U2SURP: variants seen among roughly 807,000 people sequenced by gnomAD.
U2SURP encodes the protein U2 snRNP-associated SURP motif-containing protein.
Under a neutral mutation model 144.9 loss-of-function variants are expected in U2SURP, and 9 were observed. The ratio of observed to expected loss-of-function variants is 0.06; its 90% CI spans 0.04 to 0.11. U2SURP has a LOEUF of 0.11. U2SURP is among the 10% of genes least tolerant of loss of function. U2SURP has a pLI of 1.00. For missense variants in U2SURP, 724 were observed against 1,226.7 expected (o/e 0.59, Z 6.12); for synonymous variants, 408 against 396.8 (o/e 1.03, Z -0.33).
chr3:143,019,482 C>T (rs767191183), intron 6 of U2SURP, among the ~76,000 whole-genome samples: 19 of 152,154 alleles, frequency 1.2e-4, no homozygotes, highest in Non-Finnish European at 2.2e-4. Context: ...AGAAGTCCAA[C>T]TTCATTTTTC....
At position 143,037,865 on chromosome 3, in the gene U2SURP, A is replaced by G. The variant is rs184057933; in HGVS notation, c.2222-243A>G. Reference sequence around the variant, plus strand: ...TATTAAAGATTTGTTTTACTTCTCAACTTCTTCACTTGCTTAATATATTAC... The same window carrying G: ...TATTAAAGATTTGTTTTACTTCTCAGCTTCTTCACTTGCTTAATATATTAC... On this transcript the variant is annotated intron_variant, in intron 21 of 27. Coordinates refer to ENST00000473835, the MANE Select transcript of U2SURP (RefSeq NM_001080415.2). Among the ~76,000 whole-genome samples the G allele has an allele frequency of 1.5e-4, 23 of 152,272 alleles. 1 individual carries two copies. The highest frequency in any genetic ancestry group is 7.2e-4 in the Admixed American group (11 of 15,296).
chr3:143,035,865 T>TA (rs1324421893), intron 19 of U2SURP, 117 bp from the exon 20 acceptor site: 29 of 1,089,588 alleles, frequency 2.7e-5, no homozygotes, highest in East Asian at 2.6e-4. Context: ...CTTTAAAGTT[T>TA]AAAAAAACAT....
Position 143,046,979 on chromosome 3 carries a change from C to T in U2SURP, c.2544+3703C>T, listed in dbSNP as rs1224030410. ...TCCCCCACCTCCCTCCCGGACGGGG[C>T]GGCTGGCCGGGCGGGGGGCTGACCC... On this transcript the variant is annotated intron_variant, in intron 24 of 27. Coordinates refer to ENST00000473835, the MANE Select transcript of U2SURP (RefSeq NM_001080415.2). Among the ~76,000 whole-genome samples the T allele has an allele frequency of 7.0e-5, 9 of 129,474 alleles. 1 individual carries two copies. Among genetic ancestry groups the T allele is most frequent in the East Asian group, 2.4e-4 (1 of 4,088 alleles). 84.9% of individuals were successfully genotyped at this position (129,474 alleles called of 152,430 possible).
intron 6 of U2SURP, chr3:143,017,211 A>C: frequency 2.8e-6 from 1 of 356,394 alleles, no homozygotes; most frequent in African/African-American, 2.1e-5. Flanking sequence ...ATTTATGCTC[A>C]TAATATATTG....
At chr3:143,004,982 A>T (rs867880509) in intron 1 of U2SURP, among the ~76,000 whole-genome samples, 1 of 152,224 alleles carries the variant, frequency 6.6e-6, no homozygotes, top group African/African-American at 2.4e-5. Context: ...TTTAATTTAT[A>T]AAAAAATTAC....
intron 18 of U2SURP, among the ~76,000 whole-genome samples, chr3:143,034,359 G>A (rs190826530): frequency 2.1e-4 from 32 of 152,040 alleles, no homozygotes; most frequent in Admixed American, 1.6e-3. Context: ...AGCCGAGATG[G>A]CACCATTGTC....
At chr3:143,053,000 T>C (rs1457545322) in intron 25 of U2SURP, among the ~76,000 whole-genome samples, 4 of 151,560 alleles carry the variant, frequency 2.6e-5, no homozygotes, top group Non-Finnish European at 5.9e-5. Context: ...TCAGTTTGTA[T>C]TTAGGATTTA....
intron 6 of U2SURP, among the ~76,000 whole-genome samples, chr3:143,019,228 G>A (rs1434336236): frequency 1.3e-5 from 2 of 152,070 alleles, no homozygotes; most frequent in Admixed American, 1.3e-4. Context: ...TCTGTTCTCT[G>A]GGTTGTCTTT....
In U2SURP at chr3:143,021,356, C is replaced by A; in HGVS notation, c.740C>A (p.Ala247Glu). The change falls in exon 9 of 28, where the codon GCG becomes GAG. Residue 247 changes from alanine (A) to glutamate (E), a missense_variant. Coordinates refer to ENST00000473835, the MANE Select transcript of U2SURP (RefSeq NM_001080415.2). The part of the protein sequence containing the change: ...DSDGQRRSMD[A>E]PSRRNRSSGV... ...TTCTTTTCTCCCCTTTAAGTGGACG[C>A]GCCTTCAAGAAGAAATAGATCATCT... 2 of 1,596,212 alleles carry A rather than the reference C, an allele frequency of 1.3e-6. No individual in the cohort carries two copies. The highest frequency in any genetic ancestry group is 8.5e-7 in the Non-Finnish European group (1 of 1,170,096).
chr3:143,027,218 G>A lies in U2SURP; in HGVS notation c.1344G>A (p.Met448Ile). Residue 448 changes from methionine (M) to isoleucine (I), a missense_variant, in exon 14 of 28, where the codon ATG becomes ATA. Physicochemically the swap from Met to Ile is conservative, Grantham distance 10. This residue lies in a region of U2SURP where 64 missense variants were observed against 164.1 expected (regional missense o/e 0.39). Transcript: ENST00000473835. ...VVREGPMFEA[M>I]IMNREINNPM... is the part of the protein sequence containing the mutation. Reference sequence around the variant, plus strand: ...GTGAAGGGCCAATGTTTGAAGCTATGATTATGAACAGAGAAATCAACAATC... The same window carrying A: ...GTGAAGGGCCAATGTTTGAAGCTATAATTATGAACAGAGAAATCAACAATC... 1 of 1,612,926 alleles carries A rather than the reference G, an allele frequency of 6.2e-7. No individual in the cohort carries two copies. The highest frequency in any genetic ancestry group is 8.5e-7 in the Non-Finnish European group (1 of 1,179,130).
intron 1 of U2SURP, among the ~76,000 whole-genome samples, chr3:143,006,664 C>T (rs1459126592): frequency 6.6e-6 from 1 of 152,054 alleles, no homozygotes; most frequent in Admixed American, 6.5e-5. Flanking sequence ...ATCGCTTGAA[C>T]CTGGGAGGCG....
In U2SURP at chr3:143,056,315, A is replaced by G. The variant is rs776068436; in HGVS notation, c.2955A>G (p.Ser985=). 5 of 1,602,004 alleles carry G rather than the reference A, an allele frequency of 3.1e-6. No homozygotes were observed. Among genetic ancestry groups the G allele is most frequent in the Non-Finnish European group, 4.3e-6 (5 of 1,173,766 alleles). ...PRDVSKKAKR[S]PSGSRTPKRS... ...ATTTTTTTGTTTGTTTCCTTAGATC[A>G]CCATCTGGTTCAAGGACACCTAAAA... is the stretch of plus-strand genomic sequence containing the variant. Residue 985 remains serine, a synonymous_variant, in exon 28 of 28, where the codon TCA becomes TCG. Coordinates refer to ENST00000473835, the MANE Select transcript of U2SURP (RefSeq NM_001080415.2).
intron 3 of U2SURP, among the ~76,000 whole-genome samples, chr3:143,013,749 A>G (rs1184202280): frequency 6.6e-6 from 1 of 152,124 alleles, no homozygotes; most frequent in Non-Finnish European, 1.5e-5. Flanking sequence ...ACTTGAGCTG[A>G]AACTTTAAAT....
intron 24 of U2SURP, among the ~76,000 whole-genome samples, chr3:143,049,390 T>A (rs1288233950): frequency 6.6e-6 from 1 of 151,734 alleles, no homozygotes; most frequent in African/African-American, 2.4e-5. Flanking sequence ...GAAGTATAAA[T>A]AAAATGCTGT....
At chr3:143,027,348 C>G in intron 14 of U2SURP, 95 bp downstream of exon 14, 1 of 896,282 alleles carries the variant, frequency 1.1e-6, no homozygotes, top group Non-Finnish European at 1.7e-6. Context: ...TAAGTACATT[C>G]ACATTGTTGT....
intron 1 of U2SURP, among the ~76,000 whole-genome samples, chr3:143,006,477 C>T (rs947924771): frequency 1.3e-5 from 2 of 152,152 alleles, no homozygotes; most frequent in Non-Finnish European, 2.9e-5. Flanking sequence ...TTTTAGCGGC[C>T]GGGCACAGTG....
intron 17 of U2SURP, 93 bp downstream of exon 17, chr3:143,033,039 G>A (rs1703264929): frequency 7.2e-7 from 1 of 1,383,352 alleles, no homozygotes; most frequent in African/African-American, 1.5e-5. Context: ...TGACTGATGA[G>A]ATTTTTCCCA....
intron 24 of U2SURP, among the ~76,000 whole-genome samples, chr3:143,049,428 T>C (rs749595641): frequency 2.6e-5 from 4 of 152,220 alleles, no homozygotes; most frequent in Admixed American, 6.5e-5. Context: ...TTAAAGGATA[T>C]ATCAGTGTCT....
rs185429890 is a variant in U2SURP at position 143,012,262 on chromosome 3, G to A, written c.131G>A (p.Arg44Gln). The A allele has an allele frequency of 5.0e-6, 8 of 1,613,088 alleles. No individual in the cohort carries two copies. Among genetic ancestry groups the A allele is most frequent in the African/African-American group, 2.7e-5 (2 of 74,954 alleles). The stretch of plus-strand genomic sequence containing the variant: ...CCCTCAGATAGTGATATGCCAAGTC[G>A]GACACGACCTAAGAGCCCAAGAAAA... Reference protein sequence around the residue: ...SGPSDSDMPSRTRPKSPRKHN... With the variant: ...SGPSDSDMPSQTRPKSPRKHN... Residue 44 changes from arginine (R) to glutamine (Q), a missense_variant, in exon 3 of 28, where the codon CGG becomes CAG. Arg to Gln is a conservative substitution (Grantham distance 43). Coordinates refer to ENST00000473835, the MANE Select transcript of U2SURP (RefSeq NM_001080415.2).
Sources: gnomAD v4.1 joint callset for allele counts (sites outside exome capture counted in the v4.1 genomes callset) on GRCh38, gnomAD v4.1.1 for gene constraint, gnomAD v4.1.1 regional missense constraint, MANE v1.5 for transcripts, NCBI Gene and HGNC (gene_info 2026-07-23, HGNC 2026-07-21) for gene names.